CTNNA3: variants seen among roughly 807,000 people sequenced by gnomAD.
CTNNA3 encodes the protein catenin alpha-3.
Under a neutral mutation model 95.7 loss-of-function variants are expected in CTNNA3, and 76 were observed. The ratio of observed to expected loss-of-function variants is 0.79; its 90% CI spans 0.66 to 0.96. The LOEUF (loss-of-function observed/expected upper bound fraction) is 0.96, where lower values mean the gene tolerates loss of function less well. Ranked by LOEUF, CTNNA3 falls within the 40% of genes least tolerant of loss-of-function variation. The pLI is 0.00. For missense variants in CTNNA3, 1,191 were observed against 1,089.8 expected (o/e 1.09, Z -1.31); for synonymous variants, 431 against 374.4 (o/e 1.15, Z -1.74).
chr10:66,433,551 T>A (rs1329174857), intron 11 of CTNNA3, among the ~76,000 whole-genome samples: 1 of 152,226 alleles, frequency 6.6e-6, no homozygotes, highest in Non-Finnish European at 1.5e-5. Flanking sequence ...TAGCCCTTTG[T>A]CAAATGGATA....
intron 9 of CTNNA3, among the ~76,000 whole-genome samples, chr10:66,663,777 A>G (rs1423878526): frequency 6.6e-6 from 1 of 152,212 alleles, no homozygotes; most frequent in Non-Finnish European, 1.5e-5. Flanking sequence ...GTGAATACCT[A>G]GAGCAAAATT....
chr10:67,442,751 C>A (rs554788909), intron 5 of CTNNA3, among the ~76,000 whole-genome samples: 1 of 151,864 alleles, frequency 6.6e-6, no homozygotes, highest in Non-Finnish European at 1.5e-5. Context: ...ACAGGTAGAC[C>A]TCAATATAAT....
chr10:66,463,344 C>T (rs2093542269), intron 11 of CTNNA3, among the ~76,000 whole-genome samples: 1 of 152,124 alleles, frequency 6.6e-6, no homozygotes, highest in Non-Finnish European at 1.5e-5. Flanking sequence ...GTGATGCCTG[C>T]TCCCCTTCAC....
At chr10:67,718,269 A>T (rs1412619741) in intron 1 of CTNNA3, among the ~76,000 whole-genome samples, 1 of 152,182 alleles carries the variant, frequency 6.6e-6, no homozygotes, top group African/African-American at 2.4e-5. Flanking sequence ...AAACAGAGAC[A>T]ATTTGACTTC....
At chr10:66,084,559 T>C (rs1236898709) in intron 14 of CTNNA3, among the ~76,000 whole-genome samples, 1 of 152,174 alleles carries the variant, frequency 6.6e-6, no homozygotes, top group Non-Finnish European at 1.5e-5. Context: ...AATAATGTTT[T>C]TTCTAAAGAG....
intron 14 of CTNNA3, among the ~76,000 whole-genome samples, 165 bp from the exon 15 acceptor site, chr10:66,069,654 A>G (rs531113517): frequency 2.0e-5 from 3 of 152,314 alleles, no homozygotes; most frequent in South Asian, 2.1e-4. Context: ...TATTTCATAT[A>G]AAAATCTATT....
intron 5 of CTNNA3, among the ~76,000 whole-genome samples, chr10:67,469,252 C>T (rs1205472184): frequency 6.6e-6 from 1 of 152,132 alleles, no homozygotes; most frequent in African/African-American, 2.4e-5. Context: ...CCTGATTTTT[C>T]TCCGTACTTT....
intron 7 of CTNNA3, among the ~76,000 whole-genome samples, chr10:66,920,244 G>A (rs549890968): frequency 6.6e-6 from 1 of 152,104 alleles, no homozygotes. Context: ...CATGAAAATG[G>A]TTCCTAAGTA....
At chr10:67,263,901 A>G (rs1475672689) in intron 5 of CTNNA3, among the ~76,000 whole-genome samples, 1 of 152,152 alleles carries the variant, frequency 6.6e-6, no homozygotes, top group Non-Finnish European at 1.5e-5. Context: ...TAAAATTTAC[A>G]TTTAAGTCAC....
chr10:66,545,806 T>A (rs2132090864), intron 10 of CTNNA3, among the ~76,000 whole-genome samples: 1 of 152,086 alleles, frequency 6.6e-6, no homozygotes, highest in East Asian at 1.9e-4. Context: ...CATTAGATAT[T>A]TGGGTTTTGT....
intron 13 of CTNNA3, among the ~76,000 whole-genome samples, chr10:66,177,184 C>A (rs66761627): frequency 0.047 from 7,189 of 152,032 alleles, 214 homozygotes; most frequent in African/African-American, 0.066. Context: ...TAAGCTTTTC[C>A]TGACCTCTTT....
At chr10:67,307,674 A>G (rs1840612247) in intron 5 of CTNNA3, among the ~76,000 whole-genome samples, 1 of 152,196 alleles carries the variant, frequency 6.6e-6, no homozygotes, top group Non-Finnish European at 1.5e-5. Context: ...AGTATCAGAT[A>G]TTGAGTCCTG....
chr10:66,294,870 T>G (rs1280383071), intron 12 of CTNNA3, among the ~76,000 whole-genome samples: 1 of 147,292 alleles, frequency 6.8e-6, no homozygotes, highest in Admixed American at 6.8e-5. Flanking sequence ...TCCAGATACC[T>G]ATTAGACAGT....
At chr10:67,464,312 C>T (rs1402371271) in intron 5 of CTNNA3, among the ~76,000 whole-genome samples, 2 of 152,122 alleles carry the variant, frequency 1.3e-5, no homozygotes, top group African/African-American at 4.8e-5. Context: ...TTTTTATATT[C>T]TTCAAGGTCC....
At chr10:67,156,472 T>C (rs1861314688) in intron 7 of CTNNA3, among the ~76,000 whole-genome samples, 1 of 152,142 alleles carries the variant, frequency 6.6e-6, no homozygotes, top group African/African-American at 2.4e-5. Flanking sequence ...CTTGGTGTGC[T>C]TTGTTTTCAA....
chr10:66,436,368 T>A (rs1298237326), intron 11 of CTNNA3, among the ~76,000 whole-genome samples: 1 of 152,172 alleles, frequency 6.6e-6, no homozygotes, highest in East Asian at 1.9e-4. Flanking sequence ...CTGTATTGTG[T>A]GCACATATAT....
intron 17 of CTNNA3, among the ~76,000 whole-genome samples, chr10:65,952,525 A>G (rs1320407615): frequency 6.6e-6 from 1 of 151,074 alleles, no homozygotes; most frequent in African/African-American, 2.4e-5. Context: ...CTTTCTCTAT[A>G]AATATTCCAG....
At chr10:65,933,683 G>A (rs2077289757) in intron 17 of CTNNA3, among the ~76,000 whole-genome samples, 1 of 152,078 alleles carries the variant, frequency 6.6e-6, no homozygotes, top group Non-Finnish European at 1.5e-5. Flanking sequence ...CAGATTCAAG[G>A]TCTAAAGTAT....
intron 15 of CTNNA3, among the ~76,000 whole-genome samples, chr10:65,994,488 A>T (rs951997653): frequency 6.7e-6 from 1 of 149,596 alleles, no homozygotes; most frequent in Admixed American, 6.7e-5. Context: ...TTCTCTCCTG[A>T]TCTGTAATTT....
Sources: gnomAD v4.1 joint callset for allele counts (sites outside exome capture counted in the v4.1 genomes callset) on GRCh38, gnomAD v4.1.1 for gene constraint, MANE v1.5 for transcripts, NCBI Gene and HGNC (gene_info 2026-07-23, HGNC 2026-07-21) for gene names.